The following C8orf89 variants were observed in gnomAD, a reference collection of about 807,000 sequenced individuals.
C8orf89 encodes putative uncharacterized protein C8orf89.
In C8orf89, 14 loss-of-function variants were observed where a neutral mutation model predicts 15.8. The ratio of observed to expected loss-of-function variants is 0.89; its 90% CI spans 0.59 to 1.39. The LOEUF (loss-of-function observed/expected upper bound fraction) is 1.39. C8orf89 is among the 40% of genes most tolerant of loss of function. C8orf89 has a pLI of 0.00. For synonymous variants in C8orf89, 55 were observed against 62.2 expected (o/e 0.88, Z 0.54); for missense variants, 181 against 184.5 (o/e 0.98, Z 0.11).
At chr8:73,259,065 G>A (rs952262912) in intron 1 of C8orf89, among the ~76,000 whole-genome samples, 6 of 151,878 alleles carry the variant, frequency 4.0e-5, no homozygotes, top group Non-Finnish European at 8.8e-5. Flanking sequence ...GTACTGCAAT[G>A]GATATTAAGA....
At chr8:73,270,944 G>T in the C8orf89 span, among the ~76,000 whole-genome samples, 9 of 152,066 alleles carry the variant, frequency 5.9e-5, no homozygotes, top group African/African-American at 2.2e-4. Context: ...CCTAAATAAA[G>T]TTCTGTGAAA....
chr8:73,261,054 G>A (rs921747325), upstream of C8orf89, among the ~76,000 whole-genome samples: 12 of 152,176 alleles, frequency 7.9e-5, no homozygotes, highest in Non-Finnish European at 2.9e-5. Context: ...CTTACACCCA[G>A]TGATTTGTCA....
At chr8:73,285,243 C>G in the C8orf89 span, among the ~76,000 whole-genome samples, 2 of 152,152 alleles carry the variant, frequency 1.3e-5, no homozygotes, top group African/African-American at 2.4e-5. Flanking sequence ...GAGGGTCAAT[C>G]TGTAAGGGTG....
At chr8:73,273,670 T>C in the C8orf89 span, among the ~76,000 whole-genome samples, 2 of 151,268 alleles carry the variant, frequency 1.3e-5, no homozygotes, top group Admixed American at 6.6e-5. Flanking sequence ...GCCTGAAGCC[T>C]GGGGCCCAGG....
At position 73,257,097 on chromosome 8, in the gene C8orf89, G is replaced by A. The variant is rs757967304; in HGVS notation, c.157C>T (p.Leu53Phe). ...EYTTAFGLEE[L>F]KECIKMPYLP... The stretch of plus-strand genomic sequence containing the variant: ...TATGGCATTTTGATACATTCCTTGA[G>A]CTCTTCTAGACCAAATGCTGTGGTA... The change falls in exon 2 of 4, where the codon CTC becomes TTC. Residue 53 changes from leucine to phenylalanine, a missense_variant. By Grantham distance (22) the Leu-to-Phe change is conservative. Coordinates refer to ENST00000624510, the MANE Select transcript of C8orf89 (RefSeq NM_001243237.3). 4.7e-5 allele frequency: 72 copies of A among 1,534,964 alleles called. No homozygotes were observed. The highest frequency in any genetic ancestry group is 2.0e-5 in the Admixed American group (1 of 50,914).
intron 3 of C8orf89, among the ~76,000 whole-genome samples, chr8:73,246,186 G>A (rs1214499416): frequency 2.0e-5 from 3 of 152,156 alleles, no homozygotes; most frequent in Non-Finnish European, 2.9e-5. Flanking sequence ...ATCTGTAAAT[G>A]TTATTCTTCA....
At position 73,257,224 on chromosome 8, in the gene C8orf89, A is replaced by G. The variant is rs894884259; in HGVS notation, c.128-98T>C. On this transcript the variant is annotated intron_variant, in intron 1 of 3. Transcript: ENST00000624510. Reference sequence around the variant, plus strand: ...ATAAAATACACAAAATCAGCTATTAAGTAAAGAAAATTAAGCAACTGTAAT... The same window carrying G: ...ATAAAATACACAAAATCAGCTATTAGGTAAAGAAAATTAAGCAACTGTAAT... 6.9e-5 allele frequency: 52 copies of G among 754,504 alleles called. No individual in the cohort carries two copies. In the African/African-American group the frequency reaches 8.9e-4, roughly 13 times the overall value. 46.7% of individuals were successfully genotyped at this position (754,504 alleles called of 1,614,324 possible). A position where few individuals can be genotyped will look rare whatever the true frequency, so the allele number is the denominator to read the frequency against.
chr8:73,261,521 G>A (rs1213654802), upstream of C8orf89, among the ~76,000 whole-genome samples: 4 of 152,144 alleles, frequency 2.6e-5, no homozygotes, highest in Admixed American at 1.3e-4. Context: ...GGAGTAGGGA[G>A]AGGCGAGCCC....
chr8:73,272,913 A>G, the C8orf89 span, among the ~76,000 whole-genome samples: 4 of 152,198 alleles, frequency 2.6e-5, no homozygotes, highest in Non-Finnish European at 5.9e-5. Context: ...ACAAAATCCA[A>G]TAGCTACTAA....
At chr8:73,280,898 AG>A in the C8orf89 span, among the ~76,000 whole-genome samples, 1 of 152,196 alleles carries the variant, frequency 6.6e-6, no homozygotes, top group African/African-American at 2.4e-5. Flanking sequence ...CATTCTCTCT[AG>A]TACTCAAATA....
At chr8:73,267,217 A>G in the C8orf89 span, among the ~76,000 whole-genome samples, 1 of 152,174 alleles carries the variant, frequency 6.6e-6, no homozygotes, top group Non-Finnish European at 1.5e-5. Flanking sequence ...ACCTATGATA[A>G]TTTATAAATT....
At chr8:73,279,266 G>C in the C8orf89 span, among the ~76,000 whole-genome samples, 3 of 152,288 alleles carry the variant, frequency 2.0e-5, no homozygotes, top group South Asian at 6.2e-4. Context: ...AGAAGTCAAG[G>C]ATTCCTTGAA....
the C8orf89 span, among the ~76,000 whole-genome samples, chr8:73,276,786 G>T: frequency 0.015 from 2,156 of 143,396 alleles, 57 homozygotes; most frequent in African/African-American, 0.051. Context: ...ATATACATTT[G>T]TAATGAGGCA....
At position 73,241,500 on chromosome 8, in the gene C8orf89, G is replaced by A. The variant is rs1281330770; in HGVS notation, c.443C>T (p.Thr148Ile). Residue 148 changes from threonine to isoleucine, a missense_variant, in exon 4 of 4, where the codon ACA becomes ATA. By Grantham distance (89) the Thr-to-Ile change is moderately conservative (BLOSUM62 -1). Transcript: ENST00000624510. Reference protein sequence around the residue: ...EYDTIRQETTTKSKKSKKRDL... With the variant: ...EYDTIRQETTIKSKKSKKRDL... ...TCGTTTCTTGCTTTTTTTTGATTTT[G>A]TGGTTGTTTCCTGACGAATGGTATC... is the stretch of plus-strand genomic sequence containing the variant. 2.0e-5 allele frequency: 31 copies of A among 1,528,382 alleles called. No individual in the cohort carries two copies. Among genetic ancestry groups the A allele is most frequent in the Non-Finnish European group, 2.4e-5 (28 of 1,142,994 alleles). The allele number at this position is 1,528,382 out of a possible 1,614,324, so 94.7% of individuals were successfully genotyped here.
the C8orf89 span, among the ~76,000 whole-genome samples, chr8:73,274,816 T>C: frequency 1.3e-5 from 2 of 152,216 alleles, no homozygotes; most frequent in African/African-American, 4.8e-5. Context: ...TGCAACTTTT[T>C]TTCACTCGAG....
the C8orf89 span, among the ~76,000 whole-genome samples, chr8:73,270,255 C>A: frequency 6.6e-6 from 1 of 151,998 alleles, no homozygotes; most frequent in Admixed American, 6.6e-5. Context: ...TAAAAATAAG[C>A]AAGGAGATAA....
chr8:73,281,076 T>C, the C8orf89 span, among the ~76,000 whole-genome samples: 5 of 152,094 alleles, frequency 3.3e-5, no homozygotes, highest in Non-Finnish European at 7.4e-5. Flanking sequence ...TCCTTATAAT[T>C]GTATATATTT....
chr8:73,257,764 G>A (rs113772213), intron 1 of C8orf89, among the ~76,000 whole-genome samples: 3 of 152,150 alleles, frequency 2.0e-5, no homozygotes, highest in Admixed American at 6.5e-5. Flanking sequence ...GAGGTTAAAG[G>A]TTTGGGTGTT....
At chr8:73,253,192 T>TA (rs1389222814) in intron 2 of C8orf89, among the ~76,000 whole-genome samples, 3 of 152,096 alleles carry the variant, frequency 2.0e-5, no homozygotes, top group African/African-American at 7.2e-5. Flanking sequence ...GAAGAACAAA[T>TA]AAACAAACCA....
Sources: allele counts gnomAD v4.1 joint callset (sites outside exome capture counted in the v4.1 genomes callset), GRCh38; gene constraint gnomAD v4.1.1; transcripts MANE v1.5; gene names NCBI Gene and HGNC (gene_info 2026-07-23, HGNC 2026-07-21).